Variants in FREM1 observed in about 807,000 individuals in gnomAD.
The protein encoded by FREM1 is FRAS1 related extracellular matrix 1, also known as FRAS1-related extracellular matrix protein 1.
Under a neutral mutation model 210.1 loss-of-function variants are expected in FREM1, and 220 were observed. The observed-to-expected ratio is 1.05, with a 90% CI of 0.94 to 1.17. The LOEUF (loss-of-function observed/expected upper bound fraction) is 1.17, where lower values mean the gene tolerates loss of function less well. Ranked by LOEUF, FREM1 falls within the 50% of genes most tolerant of loss-of-function variation. The probability of loss-of-function intolerance (pLI) is 0.00; values close to 1 mark genes in which losing one functional copy is unlikely to be tolerated. For synonymous variants in FREM1, 1,189 were observed against 980.2 expected, an observed-to-expected ratio of 1.21 and a Z score of -3.98; for missense variants, 3,454 against 2,675.5, an observed-to-expected ratio of 1.29 and a Z score of -6.42.
rs1563881791 is a variant in FREM1 at position 14,770,605 on chromosome 9, CTGT to C, written c.5056_5058del (p.Thr1686del). On this transcript the variant is annotated inframe_deletion and splice_region_variant, in exon 26 of 37. Coordinates refer to ENST00000380880, the MANE Select transcript of FREM1 (RefSeq NM_001379081.2). ...TTGTAAGGATTAAGGAGGCCAGTACCTGTTGTTGTGTTCTCCAGATGTCCATGT... is the reference window on the plus strand; with the variant it reads ...TTGTAAGGATTAAGGAGGCCAGTACCTGTTGTGTTCTCCAGATGTCCATGT... 6 of 1,608,270 alleles carry C rather than the reference CTGT, an allele frequency of 3.7e-6. No individual in the cohort carries two copies. The highest frequency in any genetic ancestry group is 2.2e-5 in the East Asian group (1 of 44,850).
chr9:14,861,262 C>CAT (rs1164811654), intron 3 of FREM1, among the ~76,000 whole-genome samples: 1 of 68,172 alleles, frequency 1.5e-5, no homozygotes, highest in South Asian at 3.9e-4. Context: ...CATATATACA[C>CAT]ATATACACAT....
At position 14,861,032 on chromosome 9, in the gene FREM1, T is replaced by C. The variant is rs1163256409; in HGVS notation, c.330-1548A>G. ...ATATACATATATACACATATATACA[T>C]ATATACATATATACATATATACATA... On this transcript the variant is annotated intron_variant, in intron 3 of 36. Coordinates refer to ENST00000380880, the MANE Select transcript of FREM1 (RefSeq NM_001379081.2). 1.7e-4 allele frequency among the ~76,000 whole-genome samples: 13 copies of C among 75,434 alleles called. 2 individuals carry two copies. Among genetic ancestry groups the C allele is most frequent in the Non-Finnish European group, 2.3e-4 (10 of 43,888 alleles). The allele number at this position is 75,434 out of a possible 152,430, so 49.5% of individuals were successfully genotyped here. A position where few individuals can be genotyped will look rare whatever the true frequency, so the allele number is the denominator to read the frequency against.
At chr9:14,778,745 G>GAAGGGAAGGC (rs1563908122) in intron 24 of FREM1, among the ~76,000 whole-genome samples, 1 of 138,600 alleles carries the variant, frequency 7.2e-6, no homozygotes, top group African/African-American at 2.7e-5. Flanking sequence ...GAAGGGAAGG[G>GAAGGGAAGGC]AAGGAAAGGA....
chr9:14,836,117 A>G lies in FREM1; in HGVS notation c.1881+5330T>C, dbSNP rs1824551473. ...TTGTTTGGGAAAATAAAACCAAGGA[A>G]CTTCATAGACCCCCAAAGGGGAGTT... On this transcript the variant is annotated intron_variant, in intron 10 of 36. Coordinates refer to ENST00000380880, the MANE Select transcript of FREM1 (RefSeq NM_001379081.2). This position sits in a 1 kb window ranked among gnomAD's most constrained non-coding sequence, Gnocchi z 4.9. Among the ~76,000 whole-genome samples, 1 of 152,230 alleles carries G rather than the reference A, an allele frequency of 6.6e-6. No individual in the cohort carries two copies. Among genetic ancestry groups the G allele is most frequent in the South Asian group, 2.1e-4 (1 of 4,832 alleles).
rs1431087201 is a variant in FREM1 at position 14,790,971 on chromosome 9, A to G, written c.3981+1772T>C. 2.6e-5 allele frequency: 4 copies of G among 152,234 alleles called. No individual in the cohort carries two copies. The East Asian group carries it at 7.7e-4, about 29-fold the overall frequency. The allele number at this position is 152,234 out of a possible 1,614,324, so 9.4% of individuals were successfully genotyped here. ...TGATTGCTCTTCACTCTGATTCTCTATGGTGCCTACAATCTATGACAATCA... is the reference window on the plus strand; with the variant it reads ...TGATTGCTCTTCACTCTGATTCTCTGTGGTGCCTACAATCTATGACAATCA... On this transcript the variant is annotated intron_variant, in intron 22 of 36. Transcript: ENST00000380880.
At position 14,759,901 on chromosome 9, in the gene FREM1, AC is replaced by A. The variant is rs1845170828; in HGVS notation, c.5205-1del. ...CAATATGAGACCACTTCAGTTCCAA[AC>A]TGTGTGTGAAAGGAAAAGAGAAATC... On this transcript the variant is annotated splice_acceptor_variant, in intron 27 of 36. Transcript: ENST00000380880. LOFTEE classifies it high-confidence loss of function. 3 of 1,607,888 alleles carry A rather than the reference AC, an allele frequency of 1.9e-6. No homozygotes were observed. Among genetic ancestry groups the A allele is most frequent in the Non-Finnish European group, 2.5e-6 (3 of 1,176,660 alleles).
chr9:14,757,561 C>CA (rs914742045), intron 28 of FREM1, among the ~76,000 whole-genome samples: 17 of 150,120 alleles, frequency 1.1e-4, no homozygotes, highest in East Asian at 3.9e-4. Context: ...TCTCAAAAAA[C>CA]AAAAAAAAAG....
intron 1 of FREM1, among the ~76,000 whole-genome samples, chr9:14,897,985 T>C (rs1345778498): frequency 6.6e-6 from 1 of 152,228 alleles, no homozygotes; most frequent in African/African-American, 2.4e-5. Flanking sequence ...ACACTTCATT[T>C]TTCATAATTT....
chr9:14,859,506 A>C (rs376759386), intron 3 of FREM1, 22 bp from the exon 4 acceptor site: 3 of 1,590,310 alleles, frequency 1.9e-6, no homozygotes, highest in Non-Finnish European at 2.6e-6. Context: ...ACAGGGCAAA[A>C]GCAATATTAA....
intron 24 of FREM1, among the ~76,000 whole-genome samples, chr9:14,780,290 G>T (rs1460881056): frequency 6.6e-6 from 1 of 152,018 alleles, no homozygotes; most frequent in African/African-American, 2.4e-5. Context: ...TTTGACTGGG[G>T]TGCCTGCCTG....
intron 1 of FREM1, among the ~76,000 whole-genome samples, chr9:14,886,597 G>A (rs1227644676): frequency 6.6e-6 from 1 of 151,818 alleles, no homozygotes; most frequent in Non-Finnish European, 1.5e-5. Context: ...GCTAAACTTA[G>A]AAGTTATCAA....
chr9:14,904,137 A>C (rs1807537574), intron 1 of FREM1, among the ~76,000 whole-genome samples: 1 of 140,674 alleles, frequency 7.1e-6, no homozygotes. Context: ...AAAAAAAAAA[A>C]CACTTAGACA....
chr9:14,772,595 T>C (rs1542793), intron 25 of FREM1, among the ~76,000 whole-genome samples: 1,858 of 152,312 alleles, frequency 0.012, 29 homozygotes, highest in African/African-American at 0.041. Flanking sequence ...TTATTTACAA[T>C]ACATAGTTAT....
At chr9:14,776,284 C>T in intron 24 of FREM1, 81 bp from the exon 25 acceptor site, 2 of 1,412,794 alleles carry the variant, frequency 1.4e-6, no homozygotes, top group Non-Finnish European at 1.9e-6. Flanking sequence ...CAATACACAC[C>T]TTTACTAAAG....
chr9:14,769,189 G>C (rs1475676682), intron 27 of FREM1, among the ~76,000 whole-genome samples: 2 of 152,130 alleles, frequency 1.3e-5, no homozygotes, highest in Non-Finnish European at 2.9e-5. Flanking sequence ...CCAAAGTCTA[G>C]TTTCCTCTTT....
At chr9:14,804,293 A>G (rs1325462840) in intron 19 of FREM1, among the ~76,000 whole-genome samples, 1 of 152,182 alleles carries the variant, frequency 6.6e-6, no homozygotes, top group Non-Finnish European at 1.5e-5. Flanking sequence ...AGGTAAAACC[A>G]TGACAACTTT....
chr9:14,860,882 T>TACGTATATATAC (rs1830053133), intron 3 of FREM1, among the ~76,000 whole-genome samples: 1 of 82,834 alleles, frequency 1.2e-5, no homozygotes, highest in African/African-American at 6.3e-5. Flanking sequence ...TACGTATATA[T>TACGTATATATAC]ACACATATAT....
chr9:14,740,319 G>T, intron 35 of FREM1, 85 bp from the exon 36 acceptor site: 2 of 995,504 alleles, frequency 2.0e-6, no homozygotes, highest in African/African-American at 1.6e-5. Context: ...ATAAAAGTAA[G>T]TTTAAAATAC....
intron 27 of FREM1, among the ~76,000 whole-genome samples, chr9:14,761,564 C>T (rs189560612): frequency 3.3e-5 from 5 of 152,320 alleles, no homozygotes; most frequent in Admixed American, 2.0e-4. Flanking sequence ...CTCTTTTTCA[C>T]AATTTGCTTT....
Sources: allele counts gnomAD v4.1 joint callset (sites outside exome capture counted in the v4.1 genomes callset), GRCh38; gene constraint gnomAD v4.1.1; non-coding constraint Gnocchi (gnomAD v3.1); transcripts MANE v1.5; gene names NCBI Gene and HGNC (gene_info 2026-07-23, HGNC 2026-07-21).